SEL1L3: variants seen among roughly 807,000 people sequenced by gnomAD.
The protein encoded by SEL1L3 is SEL1L family member 3.
SEL1L3 carries 76 observed loss-of-function variants against 142.8 expected under a neutral mutation model. The ratio of observed to expected loss-of-function variants is 0.53; its 90% CI spans 0.44 to 0.64. The LOEUF (loss-of-function observed/expected upper bound fraction) is 0.64, where lower values mean the gene tolerates loss of function less well. Among genes scored for constraint, SEL1L3 ranks in the 30% least tolerant of loss-of-function variants. SEL1L3 has a pLI of 0.00. For missense variants in SEL1L3, 1,262 were observed against 1,381.7 expected (o/e 0.91, Z 1.37); for synonymous variants, 504 against 519.6 (o/e 0.97, Z 0.41).
At chr4:25,744,146 C>T (rs983403454), downstream of SEL1L3, among the ~76,000 whole-genome samples, 4 of 152,052 alleles carry the variant, frequency 2.6e-5, no homozygotes, top group African/African-American at 9.7e-5. Flanking sequence ...GGATGGCTCC[C>T]GTGAATGAGT....
intron 14 of SEL1L3, among the ~76,000 whole-genome samples, chr4:25,783,064 C>G (rs1190493435): frequency 6.6e-6 from 1 of 152,210 alleles, no homozygotes; most frequent in African/African-American, 2.4e-5. Flanking sequence ...TACCTAAGCT[C>G]TGTTAAAATT....
downstream of SEL1L3, among the ~76,000 whole-genome samples, chr4:25,746,507 AATATATATAT>A (rs141668402): frequency 9.8e-6 from 1 of 101,562 alleles, no homozygotes; most frequent in East Asian, 3.2e-4. Context: ...ATATTATCTA[AATATATATAT>A]ATATATATAT....
At chr4:25,784,168 G>A in intron 14 of SEL1L3, 60 bp downstream of exon 14, 2 of 1,350,910 alleles carry the variant, frequency 1.5e-6, no homozygotes, top group South Asian at 2.3e-5. Flanking sequence ...TTTTAGACGT[G>A]CGAGAGCGTG....
chr4:25,832,693 A>ATCTC (rs1177604547), intron 5 of SEL1L3, among the ~76,000 whole-genome samples: 2 of 152,216 alleles, frequency 1.3e-5, no homozygotes, highest in African/African-American at 4.8e-5. Context: ...CACAAAGCCT[A>ATCTC]TCTCCCCAGG....
At chr4:25,765,299 C>T (rs1560282604) in intron 20 of SEL1L3, 27 bp downstream of exon 20, 4 of 1,487,998 alleles carry the variant, frequency 2.7e-6, no homozygotes, top group Non-Finnish European at 3.7e-6. Context: ...CGGCCAAGAG[C>T]TGGTTTTTGT....
chr4:25,794,986 G>T (rs185433222), intron 11 of SEL1L3, among the ~76,000 whole-genome samples: 1 of 135,882 alleles, frequency 7.4e-6, no homozygotes, highest in East Asian at 2.5e-4. Flanking sequence ...CTTCTCACTT[G>T]TAAGTGGGAG....
At chr4:25,816,738 T>A (rs1221315377) in intron 9 of SEL1L3, among the ~76,000 whole-genome samples, 1 of 152,072 alleles carries the variant, frequency 6.6e-6, no homozygotes, top group African/African-American at 2.4e-5. Flanking sequence ...TGAGCTCTCG[T>A]TGGAACAATC....
intron 4 of SEL1L3, 142 bp from the exon 5 acceptor site, chr4:25,833,252 G>T: frequency 1.4e-6 from 1 of 705,976 alleles, no homozygotes; most frequent in Non-Finnish European, 2.4e-6. Flanking sequence ...ATTTATAAAT[G>T]CATTTCTTTG....
intron 11 of SEL1L3, among the ~76,000 whole-genome samples, chr4:25,795,345 T>C (rs1300987651): frequency 6.6e-6 from 1 of 152,260 alleles, no homozygotes; most frequent in Non-Finnish European, 1.5e-5. Context: ...GGCTAATTGC[T>C]GTTTAGAACG....
At chr4:25,770,566 C>G (rs1049562832) in intron 17 of SEL1L3, 1 of 151,834 alleles carries the variant, frequency 6.6e-6, no homozygotes, top group African/African-American at 2.4e-5. Flanking sequence ...ATTGTGAAAC[C>G]CTGTCTCTGC....
chr4:25,774,169 T>G lies in SEL1L3; in HGVS notation c.2669+2108A>C, dbSNP rs118070118. 2.6e-3 allele frequency among the ~76,000 whole-genome samples: 392 copies of G among 152,154 alleles called. 10 individuals are homozygous for G. In the East Asian group the frequency reaches 0.069, roughly 27 times the overall value. On this transcript the variant is annotated intron_variant, in intron 17 of 23. Coordinates refer to ENST00000399878, the MANE Select transcript of SEL1L3 (RefSeq NM_015187.5). ...GAACAAAAGGAAATAAGGAGTTAGG[T>G]AGGATTCCGGGGCAGAGGAAAAAGC...
intron 17 of SEL1L3, among the ~76,000 whole-genome samples, chr4:25,769,165 A>C (rs1718976167): frequency 6.6e-6 from 1 of 152,198 alleles, no homozygotes; most frequent in African/African-American, 2.4e-5. Context: ...CTGGTTTAGG[A>C]AACGGTGGGG....
intron 6 of SEL1L3, among the ~76,000 whole-genome samples, chr4:25,829,615 G>A (rs1354980921): frequency 6.6e-6 from 1 of 152,132 alleles, no homozygotes; most frequent in Non-Finnish European, 1.5e-5. Flanking sequence ...TGTAACTCTT[G>A]TAGAGAATGG....
chr4:25,818,083 A>G (rs1251895771), intron 9 of SEL1L3, 55 bp downstream of exon 9: 1 of 1,568,710 alleles, frequency 6.4e-7, no homozygotes, highest in Non-Finnish European at 8.6e-7. Flanking sequence ...TGAAACAGAG[A>G]AAAACAAGGA....
Position 25,757,766 on chromosome 4 carries a change from C to T in SEL1L3, c.3108G>A (p.Glu1036=). The change falls in exon 22 of 24, where the codon GAG becomes GAA. Residue 1036 remains glutamate, a synonymous_variant. Coordinates refer to ENST00000399878, the MANE Select transcript of SEL1L3 (RefSeq NM_015187.5). ...YERCWSHSNE[E]SFSPCSLAWL... is the part of the protein sequence containing the mutation. ...AGGCCAAGGAGCAGGGGCTGAAGGA[C>T]TCCTCGTTACTGTGGCTCCAGCACC... 1.3e-6 allele frequency: 2 copies of T among 1,586,326 alleles called. No homozygotes were observed.
chr4:25,733,688 T>G, the SEL1L3 span, among the ~76,000 whole-genome samples: 32 of 152,070 alleles, frequency 2.1e-4, no homozygotes, highest in African/African-American at 7.5e-4. Context: ...GCCCGGCTAA[T>G]TTTTGTATTT....
At chr4:25,753,376 G>T (rs868655216) in intron 23 of SEL1L3, among the ~76,000 whole-genome samples, 3 of 152,320 alleles carry the variant, frequency 2.0e-5, no homozygotes, top group South Asian at 4.1e-4. Context: ...CTCACCCAAA[G>T]CTGCTGACGG....
the SEL1L3 span, among the ~76,000 whole-genome samples, chr4:25,714,714 G>T: frequency 6.6e-6 from 1 of 151,580 alleles, no homozygotes; most frequent in Non-Finnish European, 1.5e-5. Context: ...GGGATTACAG[G>T]CATGCACCAC....
intron 9 of SEL1L3, among the ~76,000 whole-genome samples, chr4:25,810,821 G>A (rs1447344220): frequency 2.0e-5 from 3 of 152,218 alleles, no homozygotes; most frequent in Admixed American, 6.5e-5. Context: ...TGGAATGCCC[G>A]AGGCAGCAAG....
Sources: gnomAD v4.1 joint callset for allele counts (sites outside exome capture counted in the v4.1 genomes callset) on GRCh38, gnomAD v4.1.1 for gene constraint, MANE v1.5 for transcripts, NCBI Gene and HGNC (gene_info 2026-07-23, HGNC 2026-07-21) for gene names.